YIPF5: variants seen among roughly 807,000 people sequenced by gnomAD.
The protein encoded by YIPF5 is protein YIPF5.
YIPF5 carries 8 observed loss-of-function variants against 30.4 expected under a neutral mutation model. The observed-to-expected ratio is 0.26, with a 90% CI of 0.15 to 0.47. The LOEUF is 0.47. Ranked by LOEUF, YIPF5 falls within the 20% of genes least tolerant of loss-of-function variation. The pLI is 0.99. For synonymous variants in YIPF5, 104 were observed against 107.9 expected, an observed-to-expected ratio of 0.96 and a Z score of 0.23; for missense variants, 282 against 301.8, an observed-to-expected ratio of 0.93 and a Z score of 0.49.
At chr5:144,165,283 T>C in intron 3 of YIPF5, 149 bp downstream of exon 3, 3 of 1,027,586 alleles carry the variant, frequency 2.9e-6, no homozygotes, top group East Asian at 2.6e-5. Context: ...GTTTCGCATA[T>C]ACTCTGTTTA....
At chr5:144,167,033 TTG>T in intron 2 of YIPF5, among the ~76,000 whole-genome samples, 1 of 152,302 alleles carries the variant, frequency 6.6e-6, no homozygotes, top group Non-Finnish European at 1.5e-5. Context: ...TATCTTAGTA[TTG>T]TTATGAAAAT....
At chr5:144,165,663 C>T in intron 2 of YIPF5, 59 bp from the exon 3 acceptor site, 1 of 1,496,850 alleles carries the variant, frequency 6.7e-7, no homozygotes, top group Non-Finnish European at 9.0e-7. Flanking sequence ...CAGTTAATAT[C>T]CCTTAAATTC....
At chr5:144,160,959 T>C (rs6864298) in intron 5 of YIPF5, among the ~76,000 whole-genome samples, 8,542 of 152,190 alleles carry the variant, frequency 0.056, 698 homozygotes, top group African/African-American at 0.18. Flanking sequence ...TCAGACATTG[T>C]CAAATGTCCC....
At position 144,158,299 on chromosome 5, in the gene YIPF5, A is replaced by G. The variant is rs1580751173; in HGVS notation, c.*2098T>C. ...AACATCAAATGCAACTCCACTGCAT[A>G]GCTGTTTTGACAGAGCAACAGTTAA... On this transcript the variant is annotated 3_prime_UTR_variant, in exon 6 of 6. Transcript: ENST00000274496. The G allele has an allele frequency of 4.9e-6, 3 of 612,676 alleles. No homozygotes were observed. The East Asian group carries it at 2.2e-4, about 46-fold the overall frequency. 38.0% of individuals were successfully genotyped at this position (612,676 alleles called of 1,614,324 possible). A position where few individuals can be genotyped will look rare whatever the true frequency, so the allele number is the denominator to read the frequency against.
intron 5 of YIPF5, among the ~76,000 whole-genome samples, chr5:144,161,368 G>C (rs1752038747): frequency 1.5e-5 from 1 of 68,082 alleles, no homozygotes; most frequent in Non-Finnish European, 2.7e-5. Context: ...TTTTGAGACA[G>C]TTTCGCTTTT....
At chr5:144,163,459 AT>A (rs1752108486) in intron 4 of YIPF5, among the ~76,000 whole-genome samples, 1 of 152,166 alleles carries the variant, frequency 6.6e-6, no homozygotes, top group Non-Finnish European at 1.5e-5. Context: ...GGATAGGATT[AT>A]TTTCTATGAG....
intron 4 of YIPF5, 103 bp downstream of exon 4, chr5:144,164,008 A>C: frequency 7.1e-7 from 1 of 1,399,200 alleles, no homozygotes; most frequent in African/African-American, 1.4e-5. Context: ...CACATCAAAG[A>C]CTTGAGGTGT....
chr5:144,160,865 G>A (rs570535120), intron 5 of YIPF5, among the ~76,000 whole-genome samples: 140 of 152,066 alleles, frequency 9.2e-4, no homozygotes, highest in African/African-American at 3.2e-3. Flanking sequence ...TCTTTGTTGT[G>A]GGGGCTGTCC....
intron 2 of YIPF5, among the ~76,000 whole-genome samples, chr5:144,167,570 C>A (rs1752235946): frequency 6.6e-6 from 1 of 152,108 alleles, no homozygotes; most frequent in Non-Finnish European, 1.5e-5. Context: ...ATAAGCATAT[C>A]TAGAATACAA....
intron 2 of YIPF5, among the ~76,000 whole-genome samples, chr5:144,167,418 C>A (rs1012142260): frequency 1.3e-5 from 2 of 152,084 alleles, no homozygotes; most frequent in Non-Finnish European, 2.9e-5. Context: ...AAAGACAAAG[C>A]CTCTTAACAT....
intron 5 of YIPF5, among the ~76,000 whole-genome samples, chr5:144,161,624 G>T (rs1752049470): frequency 6.6e-6 from 1 of 152,172 alleles, no homozygotes; most frequent in South Asian, 2.1e-4. Context: ...GGGATTACAG[G>T]CGTGAGCAAC....
chr5:144,162,385 C>T lies in YIPF5; in HGVS notation c.444G>A (p.Gln148=), dbSNP rs775302548. 9.9e-6 allele frequency: 16 copies of T among 1,611,396 alleles called. No individual in the cohort carries two copies. Among genetic ancestry groups the T allele is most frequent in the Non-Finnish European group, 1.2e-5 (14 of 1,178,812 alleles). Residue 148 remains glutamine (Q), a synonymous_variant, in exon 5 of 6, where the codon CAG becomes CAA. Transcript: ENST00000274496. ...CACTGATCCCGTATACATAGCCAAA[C>T]TGGATTTTGCCAGCCTATGGGTAAA... ...GATLLLAGKI[Q]FGYVYGISAI... is the part of the protein sequence containing the mutation.
Position 144,165,555 on chromosome 5 carries a change from C to A in YIPF5, c.160G>T (p.Asp54Tyr), listed in dbSNP as rs774627617. ...TATGGCTGTTGTGGCTGCATCATGTCTGGAGGGACAAATCTGCCTTGCTGC... is the reference window on the plus strand; with the variant it reads ...TATGGCTGTTGTGGCTGCATCATGTATGGAGGGACAAATCTGCCTTGCTGC... ...YSQQGRFVPP[D>Y]MMQPQQPYTG... The change falls in exon 3 of 6, where the codon GAC becomes TAC. Residue 54 changes from aspartate (D) to tyrosine (Y), a missense_variant. Physicochemically the swap from Asp to Tyr is radical, Grantham distance 160. Coordinates refer to ENST00000274496, the MANE Select transcript of YIPF5 (RefSeq NM_030799.9). The A allele has an allele frequency of 6.2e-7, 1 of 1,614,086 alleles. No individual in the cohort carries two copies. The highest frequency in any genetic ancestry group is 8.5e-7 in the Non-Finnish European group (1 of 1,180,020).
chr5:144,161,305 T>G (rs1186096194), intron 5 of YIPF5, among the ~76,000 whole-genome samples: 2 of 150,668 alleles, frequency 1.3e-5, no homozygotes, highest in African/African-American at 4.9e-5. Context: ...GGAGGAACCT[T>G]ATTGGCGGTA....
At chr5:144,162,151 G>A (rs1373329789) in intron 5 of YIPF5, 67 bp downstream of exon 5, 1 of 1,506,620 alleles carries the variant, frequency 6.6e-7, no homozygotes, top group Non-Finnish European at 9.0e-7. Flanking sequence ...ATCTCAAACT[G>A]AAGATGAGGT....
chr5:144,161,488 A>C (rs190668882), intron 5 of YIPF5, among the ~76,000 whole-genome samples: 19 of 151,802 alleles, frequency 1.3e-4, no homozygotes, highest in Admixed American at 3.3e-4. Context: ...GGGATTACAC[A>C]GGCATGTGCT....
intron 3 of YIPF5, among the ~76,000 whole-genome samples, chr5:144,164,983 T>C (rs1278893727): frequency 6.6e-6 from 1 of 152,188 alleles, no homozygotes; most frequent in Non-Finnish European, 1.5e-5. Context: ...AGAGTGTTCA[T>C]ACCTTTCATT....
intron 4 of YIPF5, 86 bp downstream of exon 4, chr5:144,164,025 G>C: frequency 6.5e-7 from 1 of 1,532,632 alleles, no homozygotes; most frequent in South Asian, 1.3e-5. Context: ...GTGTAAAGCG[G>C]AGTTTCAAAA....
Position 144,159,042 on chromosome 5 carries a change from T to C in YIPF5, c.*1355A>G. 1 of 984,436 alleles carries C rather than the reference T, an allele frequency of 1.0e-6. No homozygotes were observed. The highest frequency in any genetic ancestry group is 1.7e-5 in the African/African-American group (1 of 57,316). The allele number at this position is 984,436 out of a possible 1,614,324, so 61.0% of individuals were successfully genotyped here. A position where few individuals can be genotyped will look rare whatever the true frequency, so the allele number is the denominator to read the frequency against. On this transcript the variant is annotated 3_prime_UTR_variant, in exon 6 of 6. Coordinates refer to ENST00000274496, the MANE Select transcript of YIPF5 (RefSeq NM_030799.9). The stretch of plus-strand genomic sequence containing the variant: ...AATGATCAGTATACAAGATACAGTA[T>C]TTTCCTACAGATTCTCTCTGGCAAG...
Sources: allele counts gnomAD v4.1 joint callset (sites outside exome capture counted in the v4.1 genomes callset), GRCh38; gene constraint gnomAD v4.1.1; transcripts MANE v1.5; gene names NCBI Gene and HGNC (gene_info 2026-07-23, HGNC 2026-07-21).